The following IQSEC1 variants were observed in gnomAD, a reference collection of about 807,000 sequenced individuals.
The protein encoded by IQSEC1 is IQ motif and SEC7 domain-containing protein 1.
IQSEC1 carries 31 observed loss-of-function variants against 91.0 expected under a neutral mutation model. The observed-to-expected ratio is 0.34, with a 90% CI of 0.26 to 0.46. The LOEUF is 0.46. Among genes scored for constraint, IQSEC1 ranks in the 20% least tolerant of loss-of-function variants. The probability of loss-of-function intolerance (pLI) is 1.00; values close to 1 mark genes in which losing one functional copy is unlikely to be tolerated. For synonymous variants in IQSEC1, 699 were observed against 662.6 expected (o/e 1.05, Z -0.84); for missense variants, 1,388 against 1,575.6 (o/e 0.88, Z 2.02).
intron 1 of IQSEC1, among the ~76,000 whole-genome samples, chr3:13,033,895 T>C (rs1240681697): frequency 6.6e-6 from 1 of 152,154 alleles, no homozygotes; most frequent in Non-Finnish European, 1.5e-5. Flanking sequence ...CCCAGAGTAA[T>C]GTGTGACCAG....
chr3:13,076,643 C>T (rs926503911), upstream of IQSEC1, among the ~76,000 whole-genome samples: 3 of 152,108 alleles, frequency 2.0e-5, no homozygotes, highest in South Asian at 2.1e-4. Flanking sequence ...CAGAAGTGAA[C>T]CCCCCACCCC....
At chr3:13,227,375 CA>C (rs753199634) in intron 1 of IQSEC1, among the ~76,000 whole-genome samples, 422 of 70,042 alleles carry the variant, frequency 6.0e-3, no homozygotes, top group Non-Finnish European at 8.6e-3. Context: ...GACTCTGTCT[CA>C]AAAAAAAAAA....
rs748460975 is a variant in IQSEC1 at position 12,935,612 on chromosome 3, G to A, written c.1404C>T (p.Thr468=). 1.2e-6 allele frequency: 2 copies of A among 1,614,134 alleles called. No individual in the cohort carries two copies. Among genetic ancestry groups the A allele is most frequent in the East Asian group, 2.2e-5 (1 of 44,886 alleles). The change falls in exon 3 of 14, where the codon ACC becomes ACT. Residue 468 remains threonine, a synonymous_variant. Coordinates refer to ENST00000613206, the MANE Select transcript of IQSEC1 (RefSeq NM_001134382.3). The surrounding 1 kb of genome is among the most constrained non-coding windows in gnomAD (Gnocchi z 8.0). ...ACGATGACTCGGAGCTGCAGTTGAT[G>A]GTATCGTTGGAGTTGGACGTGCTGT... ...SINSTSNSND[T]INCSSESSSR... is the part of the protein sequence containing the mutation.
intron 1 of IQSEC1, among the ~76,000 whole-genome samples, chr3:12,968,230 G>A (rs1700733075): frequency 6.6e-6 from 1 of 152,306 alleles, no homozygotes; most frequent in African/African-American, 2.4e-5. Flanking sequence ...GAACCGTGTG[G>A]TTCTGGGGCT....
At chr3:13,146,498 C>T (rs1706900608) in intron 2 of IQSEC1, among the ~76,000 whole-genome samples, 1 of 152,232 alleles carries the variant, frequency 6.6e-6, no homozygotes, top group South Asian at 2.1e-4. Flanking sequence ...AAAACCTCAG[C>T]CACCAAGGAC....
chr3:12,984,352 T>C (rs759637470), intron 1 of IQSEC1, among the ~76,000 whole-genome samples: 3 of 152,112 alleles, frequency 2.0e-5, no homozygotes, highest in Non-Finnish European at 2.9e-5. Context: ...CTGAGTAAAT[T>C]TGTAAAAGGC....
Position 12,983,711 on chromosome 3 carries a change from T to C in IQSEC1, c.24-41846A>G, listed in dbSNP as rs974236853. Among the ~76,000 whole-genome samples, 2 of 152,192 alleles carry C rather than the reference T, an allele frequency of 1.3e-5. No individual in the cohort carries two copies. Among genetic ancestry groups the C allele is most frequent in the Non-Finnish European group, 2.9e-5 (2 of 68,024 alleles). ...ATTCCTCCCAGCACCTGGGCGATGC[T>C]GTTCAGAGGACAATTTCCCTTTCCC... On this transcript the variant is annotated intron_variant, in intron 1 of 13. Coordinates refer to ENST00000613206, the MANE Select transcript of IQSEC1 (RefSeq NM_001134382.3). This position sits in a 1 kb window ranked among gnomAD's most constrained non-coding sequence, Gnocchi z 4.3.
chr3:13,144,196 C>T (rs899124002), intron 2 of IQSEC1, among the ~76,000 whole-genome samples: 2 of 152,210 alleles, frequency 1.3e-5, no homozygotes, highest in Non-Finnish European at 2.9e-5. Context: ...ACCCCTGTCC[C>T]CTCTTTAGCC....
intron 2 of IQSEC1, among the ~76,000 whole-genome samples, chr3:13,101,419 C>CAAAAAAAAAAAAAAAAA (rs5846799): frequency 3.3e-5 from 4 of 119,478 alleles, no homozygotes; most frequent in African/African-American, 9.9e-5. Context: ...ATTCCATCTC[C>CAAAAAAAAAAAAAAAAA]AAAAAAAAAA....
Position 12,900,801 on chromosome 3 carries a change from G to A in IQSEC1, c.*182C>T, listed in dbSNP as rs1429638716. On this transcript the variant is annotated 3_prime_UTR_variant, in exon 14 of 14. Transcript: ENST00000613206. ...AGGGTGCCAACAAGAAATGAAATCT[G>A]GGCCTTTGTTCCACACAACACCAGC... 1.4e-6 allele frequency: 2 copies of A among 1,454,288 alleles called. No individual in the cohort carries two copies. The highest frequency in any genetic ancestry group is 2.5e-5 in the East Asian group (1 of 40,168). 90.1% of individuals were successfully genotyped at this position (1,454,288 alleles called of 1,614,324 possible).
intron 1 of IQSEC1, among the ~76,000 whole-genome samples, chr3:13,260,558 A>T (rs1382074737): frequency 6.6e-6 from 1 of 152,204 alleles, no homozygotes; most frequent in Non-Finnish European, 1.5e-5. Context: ...TCCTAAGGGA[A>T]TCTGCAAAAG....
intron 2 of IQSEC1, among the ~76,000 whole-genome samples, chr3:13,128,354 T>C (rs1292111643): frequency 1.3e-5 from 2 of 152,230 alleles, no homozygotes; most frequent in African/African-American, 4.8e-5. Context: ...TATTCCAATT[T>C]TTTTTCCTGA....
chr3:13,197,130 G>C (rs1694144232), intron 1 of IQSEC1, among the ~76,000 whole-genome samples: 1 of 152,160 alleles, frequency 6.6e-6, no homozygotes, highest in Non-Finnish European at 1.5e-5. Context: ...GGACTGTGTA[G>C]CTTTGTCTGC....
At chr3:12,917,089 G>T (rs986366874) in intron 6 of IQSEC1, among the ~76,000 whole-genome samples, 1 of 152,170 alleles carries the variant, frequency 6.6e-6, no homozygotes, top group African/African-American at 2.4e-5. Context: ...TTCCTAAATA[G>T]ACATTATTTT....
chr3:12,988,152 G>A (rs574449498), intron 1 of IQSEC1, among the ~76,000 whole-genome samples: 2 of 152,242 alleles, frequency 1.3e-5, no homozygotes, highest in South Asian at 2.1e-4. Flanking sequence ...GGTGGCTCAC[G>A]CCTGTAATCC....
chr3:12,956,767 G>A (rs1024619310), intron 1 of IQSEC1, among the ~76,000 whole-genome samples: 12 of 152,296 alleles, frequency 7.9e-5, no homozygotes, highest in Admixed American at 1.3e-4. Flanking sequence ...GGAGCTCTAC[G>A]TGCAATCGGG....
intron 1 of IQSEC1, among the ~76,000 whole-genome samples, chr3:12,982,540 C>A (rs1302364783): frequency 3.9e-5 from 6 of 152,170 alleles, no homozygotes; most frequent in Non-Finnish European, 8.8e-5. Context: ...AGAAACATTG[C>A]CATTAAAGAA....
chr3:12,967,137 G>A lies in IQSEC1; in HGVS notation c.24-25272C>T, dbSNP rs892756581. On this transcript the variant is annotated intron_variant, in intron 1 of 13. Coordinates refer to ENST00000613206, the MANE Select transcript of IQSEC1 (RefSeq NM_001134382.3). This position sits in a 1 kb window ranked among gnomAD's most constrained non-coding sequence, Gnocchi z 5.9. The stretch of plus-strand genomic sequence containing the variant: ...ACACTCCCATCCTGAGACCCTCCCA[G>A]GGCACACACAGCGCTCCTGTCCCAA... Among the ~76,000 whole-genome samples, 1 of 150,830 alleles carries A rather than the reference G, an allele frequency of 6.6e-6. No individual in the cohort carries two copies. The highest frequency in any genetic ancestry group is 1.5e-5 in the Non-Finnish European group (1 of 67,672).
In IQSEC1 at chr3:13,142,461, C is replaced by T. The variant is rs975962942; in HGVS notation, c.302+21643G>A. Among the ~76,000 whole-genome samples the T allele has an allele frequency of 3.9e-5, 6 of 152,166 alleles. No individual in the cohort carries two copies. In the South Asian group the frequency reaches 6.2e-4, roughly 16 times the overall value. On this transcript the variant is annotated intron_variant, in intron 2 of 15. Coordinates refer to the IQSEC1 transcript ENST00000648114. The stretch of plus-strand genomic sequence containing the variant: ...TGATTTCCCCAAGGATGTTGGATCC[C>T]GCACAGGTGGAGATGGCTTCCCAGC...
Sources: allele counts gnomAD v4.1 joint callset (sites outside exome capture counted in the v4.1 genomes callset), GRCh38; gene constraint gnomAD v4.1.1; non-coding constraint Gnocchi (gnomAD v3.1); transcripts MANE v1.5; gene names NCBI Gene and HGNC (gene_info 2026-07-23, HGNC 2026-07-21).